Variants in ANKRD6 observed in about 807,000 individuals in gnomAD.
The protein encoded by ANKRD6 is ankyrin repeat domain 6, also known as ankyrin repeat domain-containing protein 6.
ANKRD6 carries 56 observed loss-of-function variants against 82.3 expected under a neutral mutation model. The ratio of observed to expected loss-of-function variants is 0.68; its 90% CI spans 0.55 to 0.85. ANKRD6 has a LOEUF of 0.85. Ranked by LOEUF, ANKRD6 falls within the 40% of genes least tolerant of loss-of-function variation. ANKRD6 has a pLI of 0.00. For missense variants in ANKRD6, 852 were observed against 907.6 expected, an observed-to-expected ratio of 0.94 and a Z score of 0.79; for synonymous variants, 347 against 352.1, an observed-to-expected ratio of 0.99 and a Z score of 0.16.
In ANKRD6 at chr6:89,602,845, G is replaced by C. The variant is rs188586115; in HGVS notation, c.220-184G>C. On this transcript the variant is annotated intron_variant, in intron 3 of 15. Transcript: ENST00000339746. ...TTATGAACAAAATTTCTCTGCCAGC[G>C]TGCGTTGTCTACTAACAAGACCACA... The C allele has an allele frequency of 5.3e-4, 285 of 538,326 alleles. 3 individuals carry two copies. The highest frequency in any genetic ancestry group is 7.4e-5 in the Non-Finnish European group (22 of 298,956). The allele number at this position is 538,326 out of a possible 1,614,324, so 33.3% of individuals were successfully genotyped here. A position where few individuals can be genotyped will look rare whatever the true frequency, so the allele number is the denominator to read the frequency against.
At chr6:89,529,938 C>T (rs1340221078) in intron 1 of ANKRD6, among the ~76,000 whole-genome samples, 4 of 152,056 alleles carry the variant, frequency 2.6e-5, no homozygotes, top group African/African-American at 4.8e-5. Flanking sequence ...GATCACAGAG[C>T]GCCATAACAA....
At chr6:89,495,563 G>T (rs1778513586) in intron 1 of ANKRD6, among the ~76,000 whole-genome samples, 1 of 152,152 alleles carries the variant, frequency 6.6e-6, no homozygotes. Context: ...AACTCTGCAG[G>T]TGGCTCCTGC....
intron 9 of ANKRD6, chr6:89,621,556 G>A (rs183738593): frequency 4.6e-4 from 107 of 230,530 alleles, no homozygotes; most frequent in Admixed American, 1.7e-3. Context: ...GGGCTGCTGC[G>A]TTGCACAACT....
chr6:89,485,474 C>G (rs1777259596), intron 1 of ANKRD6, among the ~76,000 whole-genome samples: 1 of 152,190 alleles, frequency 6.6e-6, no homozygotes, highest in Admixed American at 6.5e-5. Context: ...TCCTTATATT[C>G]TTTCCTCAAA....
At chr6:89,541,716 G>A (rs1231001910) in intron 1 of ANKRD6, among the ~76,000 whole-genome samples, 1 of 151,570 alleles carries the variant, frequency 6.6e-6, no homozygotes, top group Non-Finnish European at 1.5e-5. Context: ...TTCACTGTTG[G>A]CATATAGAAA....
At chr6:89,624,448 C>A in intron 12 of ANKRD6, 91 bp from the exon 13 acceptor site, 1 of 1,449,114 alleles carries the variant, frequency 6.9e-7, no homozygotes, top group South Asian at 1.4e-5. Context: ...TCTCTATCCC[C>A]TGGTATACTG....
chr6:89,449,297 T>C (rs1772516801), intron 1 of ANKRD6, among the ~76,000 whole-genome samples: 2 of 152,106 alleles, frequency 1.3e-5, no homozygotes, highest in Admixed American at 6.6e-5. Context: ...GTGGTGGAAA[T>C]AGTAAGAGAA....
chr6:89,577,480 T>G (rs887159685), intron 2 of ANKRD6, among the ~76,000 whole-genome samples: 2 of 152,028 alleles, frequency 1.3e-5, no homozygotes, highest in African/African-American at 4.8e-5. Context: ...TTTTGTTACC[T>G]CAGTACCAAC....
intron 7 of ANKRD6, 164 bp from the exon 8 acceptor site, chr6:89,616,394 AC>A: frequency 1.6e-6 from 1 of 614,646 alleles, no homozygotes; most frequent in Non-Finnish European, 2.9e-6. Context: ...TAGTTCCAAG[AC>A]CTCTTTAAGT....
intron 2 of ANKRD6, among the ~76,000 whole-genome samples, chr6:89,580,934 C>G (rs1792376047): frequency 6.6e-6 from 1 of 152,098 alleles, no homozygotes; most frequent in Non-Finnish European, 1.5e-5. Context: ...ATAGCATGCT[C>G]CTTCCAAAGG....
intron 2 of ANKRD6, among the ~76,000 whole-genome samples, chr6:89,576,720 C>T (rs1393269288): frequency 6.6e-6 from 1 of 152,100 alleles, no homozygotes; most frequent in Non-Finnish European, 1.5e-5. Context: ...GTCAGCTCTG[C>T]CTCCTGGTTT....
intron 1 of ANKRD6, among the ~76,000 whole-genome samples, chr6:89,491,990 G>C (rs957912621): frequency 6.6e-6 from 1 of 152,002 alleles, no homozygotes; most frequent in South Asian, 2.1e-4. Context: ...ATCATACCCA[G>C]CATAAAAAAA....
At position 89,612,334 on chromosome 6, in the gene ANKRD6, C is replaced by T. The variant is rs1583765432; in HGVS notation, c.480C>T (p.Leu160=). Residue 160 remains leucine, a synonymous_variant, in exon 6 of 16, where the codon CTC becomes CTT. Transcript: ENST00000339746. ...GCCACTCCCAGAGCACGCGCGTCCT[C>T]CTGCTGGCCGGGTCCCGCGCTGACC... is the stretch of plus-strand genomic sequence containing the variant. ...QNSHSQSTRV[L]LLAGSRADLK... The T allele has an allele frequency of 1.3e-6, 2 of 1,565,094 alleles. No individual in the cohort carries two copies. Among genetic ancestry groups the T allele is most frequent in the East Asian group, 2.4e-5 (1 of 42,186 alleles).
intron 2 of ANKRD6, among the ~76,000 whole-genome samples, chr6:89,574,673 G>A (rs1790712926): frequency 6.6e-6 from 1 of 152,134 alleles, no homozygotes; most frequent in Non-Finnish European, 1.5e-5. Flanking sequence ...ACCTCACCAT[G>A]GCTATTATCC....
intron 1 of ANKRD6, among the ~76,000 whole-genome samples, chr6:89,558,886 T>C (rs1229698512): frequency 2.0e-5 from 3 of 151,940 alleles, no homozygotes; most frequent in Admixed American, 6.6e-5. Flanking sequence ...TTAAAATCGC[T>C]CTAAAAGTCT....
intron 5 of ANKRD6, among the ~76,000 whole-genome samples, chr6:89,611,417 T>A (rs944037048): frequency 6.6e-6 from 1 of 152,210 alleles, no homozygotes; most frequent in Non-Finnish European, 1.5e-5. Flanking sequence ...GATGACACAA[T>A]GTCACCTATC....
At chr6:89,514,091 T>C (rs976620095) in intron 1 of ANKRD6, among the ~76,000 whole-genome samples, 11 of 152,186 alleles carry the variant, frequency 7.2e-5, no homozygotes, top group Non-Finnish European at 4.4e-5. Flanking sequence ...TAAAACATTA[T>C]GAAGGGCCGG....
At chr6:89,574,077 A>G (rs1302611766) in intron 2 of ANKRD6, among the ~76,000 whole-genome samples, 1 of 152,214 alleles carries the variant, frequency 6.6e-6, no homozygotes, top group African/African-American at 2.4e-5. Context: ...TGTGTTTGAC[A>G]GAGGAGAAAG....
At chr6:89,563,128 G>T (rs557580773) in intron 1 of ANKRD6, among the ~76,000 whole-genome samples, 1 of 152,284 alleles carries the variant, frequency 6.6e-6, no homozygotes, top group Non-Finnish European at 1.5e-5. Flanking sequence ...CAAAGTATAG[G>T]AGAATTTGTT....
Sources: gnomAD v4.1 joint callset for allele counts (sites outside exome capture counted in the v4.1 genomes callset) on GRCh38, gnomAD v4.1.1 for gene constraint, MANE v1.5 for transcripts, NCBI Gene and HGNC (gene_info 2026-07-23, HGNC 2026-07-21) for gene names.